Variants in DNAH11 observed in about 807,000 individuals in gnomAD.
The protein encoded by DNAH11 is axonemal beta dynein heavy chain 11.
Under a neutral mutation model 526.0 loss-of-function variants are expected in DNAH11, and 442 were observed. The observed-to-expected ratio is 0.84, with a 90% CI of 0.78 to 0.91. The LOEUF (loss-of-function observed/expected upper bound fraction) is 0.91. Ranked by LOEUF, DNAH11 falls within the 40% of genes least tolerant of loss-of-function variation. The pLI, the probability that DNAH11 is intolerant of heterozygous loss-of-function variation, is 0.00. For missense variants in DNAH11, 6,989 were observed against 5,448.7 expected (o/e 1.28, Z -8.90); for synonymous variants, 2,461 against 1,935.9 (o/e 1.27, Z -7.12).
chr7:21,721,085 T>G (rs569002872), intron 44 of DNAH11, among the ~76,000 whole-genome samples: 2 of 152,332 alleles, frequency 1.3e-5, no homozygotes, highest in South Asian at 4.1e-4. Flanking sequence ...TCTTCTGAAC[T>G]GAAAGTTCTG....
intron 31 of DNAH11, 32 bp from the exon 32 acceptor site, chr7:21,683,752 T>A (rs756005341): frequency 1.3e-6 from 2 of 1,533,836 alleles, no homozygotes; most frequent in Non-Finnish European, 1.8e-6. Flanking sequence ...ACTACCAGTG[T>A]CCTGCGTATG....
At chr7:21,693,723 T>C (rs1783725379) in intron 35 of DNAH11, among the ~76,000 whole-genome samples, 1 of 152,198 alleles carries the variant, frequency 6.6e-6, no homozygotes, top group South Asian at 2.1e-4. Context: ...ATTGGTGTTA[T>C]CTAGTTGAAT....
chr7:21,764,179 C>T (rs1392362393), intron 54 of DNAH11, among the ~76,000 whole-genome samples: 1 of 151,400 alleles, frequency 6.6e-6, no homozygotes, highest in Non-Finnish European at 1.5e-5. Context: ...GGGTAGATCT[C>T]ATGTTTTTTG....
chr7:21,572,136 A>G (rs1024784555), intron 8 of DNAH11, among the ~76,000 whole-genome samples, 163 bp downstream of exon 8: 1 of 152,182 alleles, frequency 6.6e-6, no homozygotes, highest in Non-Finnish European at 1.5e-5. Flanking sequence ...TAGTTAGTAG[A>G]TCAGGGATCA....
In DNAH11 at chr7:21,735,685, A is replaced by T; in HGVS notation, c.7486A>T (p.Met2496Leu). ...TTETARLRYF[M>L]ELLLEKGKPL... ...AGAGACAGCTCGTCTTAGATATTTC[A>T]TGGAGTTGTTGCTTGAGAAAGGAAA... is the stretch of plus-strand genomic sequence containing the variant. Residue 2496 changes from methionine to leucine, a missense_variant, in exon 46 of 82, where the codon ATG (methionine) becomes TTG (leucine). Met to Leu is a conservative substitution (Grantham distance 15). Coordinates refer to ENST00000409508, the MANE Select transcript of DNAH11 (RefSeq NM_001277115.2). 3 of 1,612,014 alleles carry T rather than the reference A, an allele frequency of 1.9e-6. No individual in the cohort carries two copies. Among genetic ancestry groups the T allele is most frequent in the Non-Finnish European group, 2.5e-6 (3 of 1,178,872 alleles).
chr7:21,810,920 T>A (rs1789487808), intron 63 of DNAH11, among the ~76,000 whole-genome samples: 1 of 152,198 alleles, frequency 6.6e-6, no homozygotes, highest in Non-Finnish European at 1.5e-5. Context: ...ATCCAGAAAT[T>A]CTACTTCTCA....
chr7:21,554,653 T>TA, intron 2 of DNAH11, among the ~76,000 whole-genome samples: 1 of 152,150 alleles, frequency 6.6e-6, no homozygotes, highest in Non-Finnish European at 1.5e-5. Flanking sequence ...AGCCCAGGTA[T>TA]AAAAACTGGA....
rs1583599437 is a variant in DNAH11 at position 21,692,728 on chromosome 7, G to C, written c.6041+1847G>C. Among the ~76,000 whole-genome samples the C allele has an allele frequency of 3.3e-5, 5 of 152,200 alleles. No individual in the cohort carries two copies. The South Asian group carries it at 1.0e-3, about 31-fold the overall frequency. On this transcript the variant is annotated intron_variant, in intron 35 of 81. Coordinates refer to ENST00000409508, the MANE Select transcript of DNAH11 (RefSeq NM_001277115.2). ...AGTCTACATGGCAATTGTGTGCTTT[G>C]CTTATAAGAATCTGCCAGTCTGGTT...
intron 19 of DNAH11, 40 bp downstream of exon 19, chr7:21,606,582 A>ACTAGGATAAT: frequency 6.4e-7 from 1 of 1,555,556 alleles, no homozygotes. Flanking sequence ...GAAAGGTTTT[A>ACTAGGATAAT]CTAGGATAAT....
chr7:21,804,524 C>T (rs1789163684), intron 62 of DNAH11, among the ~76,000 whole-genome samples: 1 of 152,206 alleles, frequency 6.6e-6, no homozygotes, highest in South Asian at 2.1e-4. Context: ...TCATAATTCA[C>T]CCTGCAAATC....
intron 9 of DNAH11, among the ~76,000 whole-genome samples, chr7:21,583,533 CAT>C (rs200214712): frequency 0.01 from 1,579 of 152,288 alleles, 51 homozygotes; most frequent in South Asian, 0.069. Context: ...GCAAAGACTT[CAT>C]GACTAAAACA....
rs781745655 is a variant in DNAH11, at chr7:21,868,024, C to T, written c.11839+17C>T. On this transcript the variant is annotated intron_variant, in intron 72 of 81. Coordinates refer to ENST00000409508, the MANE Select transcript of DNAH11 (RefSeq NM_001277115.2). ...AGATTCTTGGTGAGTGGCTGGGAGGCTCGCTGGCCCGCCCCTTCTCCCTCC... is the reference window on the plus strand; with the variant it reads ...AGATTCTTGGTGAGTGGCTGGGAGGTTCGCTGGCCCGCCCCTTCTCCCTCC... The T allele has an allele frequency of 1.3e-5, 20 of 1,497,388 alleles. No individual in the cohort carries two copies. The East Asian group carries it at 1.5e-4, about 11-fold the overall frequency. The allele number at this position is 1,497,388 out of a possible 1,614,324, so 92.8% of individuals were successfully genotyped here.
chr7:21,677,826 G>C (rs1204369225), intron 30 of DNAH11, among the ~76,000 whole-genome samples: 1 of 152,168 alleles, frequency 6.6e-6, no homozygotes, highest in Admixed American at 6.5e-5. Flanking sequence ...CTAATGATTA[G>C]TGATTTTGAG....
intron 30 of DNAH11, among the ~76,000 whole-genome samples, chr7:21,661,698 A>G (rs1232485210): frequency 1.3e-5 from 2 of 152,152 alleles, no homozygotes; most frequent in Non-Finnish European, 1.5e-5. Flanking sequence ...TTCATTAGCT[A>G]TGTGACTATG....
intron 66 of DNAH11, among the ~76,000 whole-genome samples, chr7:21,843,517 G>C (rs1320729059): frequency 1.5e-4 from 21 of 138,688 alleles, no homozygotes; most frequent in Non-Finnish European, 3.0e-4. Flanking sequence ...GTCTTGCTCT[G>C]TCACCAAGGC....
At chr7:21,732,115 A>G (rs925905917) in intron 45 of DNAH11, among the ~76,000 whole-genome samples, 1 of 152,224 alleles carries the variant, frequency 6.6e-6, no homozygotes, top group African/African-American at 2.4e-5. Flanking sequence ...TAGGGCTGCC[A>G]TAACAAAATA....
intron 9 of DNAH11, among the ~76,000 whole-genome samples, chr7:21,587,017 TAATAACAGC>T (rs1784498010): frequency 1.3e-5 from 2 of 152,200 alleles, no homozygotes; most frequent in South Asian, 4.1e-4. Flanking sequence ...GAGTGTGTAA[TAATAACAGC>T]ACTTTTAAAG....
chr7:21,797,418 T>C (rs10279492), intron 61 of DNAH11, among the ~76,000 whole-genome samples: 73,812 of 151,220 alleles, frequency 0.49, 19,458 homozygotes, highest in East Asian at 0.74. Flanking sequence ...GGGGTTTCTC[T>C]ATGTTGGTCA....
chr7:21,819,737 A>G (rs1282539284), intron 65 of DNAH11, among the ~76,000 whole-genome samples: 1 of 152,206 alleles, frequency 6.6e-6, no homozygotes, highest in East Asian at 1.9e-4. Flanking sequence ...TTGAGTCATG[A>G]TTCTCAGTAT....
Sources: allele counts gnomAD v4.1 joint callset (sites outside exome capture counted in the v4.1 genomes callset), GRCh38; gene constraint gnomAD v4.1.1; transcripts MANE v1.5; gene names NCBI Gene and HGNC (gene_info 2026-07-23, HGNC 2026-07-21).